TEAD1: variants seen among roughly 807,000 people sequenced by gnomAD.
TEAD1 encodes TEA domain transcription factor 1, also known as transcriptional enhancer factor TEF-1.
A neutral mutation model predicts 54.9 loss-of-function variants in TEAD1; 9 were observed. The ratio of observed to expected loss-of-function variants is 0.16; its 90% confidence interval spans 0.10 to 0.29. The LOEUF (loss-of-function observed/expected upper bound fraction) is 0.29. Among genes scored for constraint, TEAD1 ranks in the 10% least tolerant of loss-of-function variants. TEAD1 has a pLI of 1.00. For missense variants in TEAD1, 387 were observed against 535.9 expected (o/e 0.72, Z 2.74); for synonymous variants, 200 against 187.8 (o/e 1.07, Z -0.53).
At chr11:12,853,933 C>A (rs952733820) in intron 3 of TEAD1, among the ~76,000 whole-genome samples, 13 of 152,160 alleles carry the variant, frequency 8.5e-5, no homozygotes, top group Admixed American at 8.5e-4. Flanking sequence ...TGTTCTTTCT[C>A]TGAAAGCTGT....
At chr11:12,765,184 C>A (rs772672302) in intron 3 of TEAD1, among the ~76,000 whole-genome samples, 14 of 152,254 alleles carry the variant, frequency 9.2e-5, no homozygotes, top group Middle Eastern at 6.8e-3. Context: ...CCTAGGGCAG[C>A]AGCAAGGATC....
At chr11:12,881,310 C>G (rs1947960774) in intron 7 of TEAD1, among the ~76,000 whole-genome samples, 1 of 152,130 alleles carries the variant, frequency 6.6e-6, no homozygotes. Context: ...AAGAAGTGGA[C>G]CCCTCTTCCT....
chr11:12,854,503 G>C (rs1374903568), intron 3 of TEAD1, among the ~76,000 whole-genome samples: 3 of 152,162 alleles, frequency 2.0e-5, no homozygotes, highest in African/African-American at 7.2e-5. Flanking sequence ...TCCTGTGAGA[G>C]CACATGTTAG....
intron 2 of TEAD1, among the ~76,000 whole-genome samples, chr11:12,727,876 A>G (rs983325008): frequency 1.3e-5 from 2 of 152,054 alleles, no homozygotes; most frequent in African/African-American, 4.8e-5. Flanking sequence ...TCCAAAGGCC[A>G]ACAAGGAATA....
chr11:12,726,605 A>C (rs529164140), intron 2 of TEAD1, among the ~76,000 whole-genome samples: 1 of 152,350 alleles, frequency 6.6e-6, no homozygotes, highest in African/African-American at 2.4e-5. Flanking sequence ...ACGGTGGCTC[A>C]TGTCTATAAT....
intron 2 of TEAD1, among the ~76,000 whole-genome samples, chr11:12,704,590 A>G (rs1350063172): frequency 6.6e-6 from 1 of 152,206 alleles, no homozygotes; most frequent in Non-Finnish European, 1.5e-5. Context: ...CCTTCCTTTT[A>G]TTCCCTTAGT....
At chr11:12,806,462 A>G (rs944751981) in intron 3 of TEAD1, among the ~76,000 whole-genome samples, 2 of 151,758 alleles carry the variant, frequency 1.3e-5, no homozygotes, top group Non-Finnish European at 3.0e-5. Context: ...TCCTTGGTCG[A>G]TGGTCTAAAA....
chr11:12,887,223 A>T (rs958058995), intron 9 of TEAD1, among the ~76,000 whole-genome samples: 1 of 151,914 alleles, frequency 6.6e-6, no homozygotes, highest in Middle Eastern at 3.4e-3. Context: ...CAGCCTCCCA[A>T]GTAGCTGGGA....
intron 2 of TEAD1, among the ~76,000 whole-genome samples, chr11:12,695,246 C>T (rs746537624): frequency 1.2e-4 from 18 of 152,210 alleles, no homozygotes; most frequent in Non-Finnish European, 2.4e-4. Flanking sequence ...GACTGAGAGT[C>T]ATAATTTCTG....
chr11:12,755,819 T>A (rs1273744297), intron 2 of TEAD1, among the ~76,000 whole-genome samples: 1 of 152,140 alleles, frequency 6.6e-6, no homozygotes, highest in Non-Finnish European at 1.5e-5. Context: ...TGAAACTGGG[T>A]CTGTGGCCTT....
At chr11:12,908,907 T>C (rs1948570779) in intron 10 of TEAD1, among the ~76,000 whole-genome samples, 1 of 144,836 alleles carries the variant, frequency 6.9e-6, no homozygotes, top group Non-Finnish European at 1.5e-5. Flanking sequence ...GAGACAGTGT[T>C]GCTCTGCTGC....
chr11:12,785,422 G>A lies in TEAD1; in HGVS notation c.202+20988G>A, dbSNP rs1482564075. 2.0e-5 allele frequency among the ~76,000 whole-genome samples: 3 copies of A among 152,302 alleles called. No individual in the cohort carries two copies. The East Asian group carries it at 5.8e-4, about 29-fold the overall frequency. On this transcript the variant is annotated intron_variant, in intron 3 of 12. Coordinates refer to ENST00000527636, the MANE Select transcript of TEAD1 (RefSeq NM_021961.6). The stretch of plus-strand genomic sequence containing the variant: ...AGGTCCTGGGTTCCAGGGCACAGAG[G>A]TTGTTCCCAGTTTGGCTGGTGCCTA...
intron 2 of TEAD1, among the ~76,000 whole-genome samples, chr11:12,711,180 A>G (rs1943929306): frequency 6.6e-6 from 1 of 152,144 alleles, no homozygotes. Context: ...GAGTCAGGGT[A>G]GTCACTGGGG....
chr11:12,696,760 A>G (rs116655074), intron 2 of TEAD1, among the ~76,000 whole-genome samples: 1,956 of 152,206 alleles, frequency 0.013, 32 homozygotes, highest in African/African-American at 0.045. Context: ...GGCCCCGTTC[A>G]GCAAAGGGAG....
At chr11:12,818,534 G>T (rs1042478019) in intron 3 of TEAD1, among the ~76,000 whole-genome samples, 2 of 152,200 alleles carry the variant, frequency 1.3e-5, no homozygotes, top group African/African-American at 2.4e-5. Context: ...CTCCTTGGGA[G>T]AAGAAAGGTC....
intron 3 of TEAD1, among the ~76,000 whole-genome samples, chr11:12,765,449 G>T (rs988590811): frequency 1.3e-5 from 2 of 152,182 alleles, no homozygotes; most frequent in Non-Finnish European, 2.9e-5. Flanking sequence ...TTTACCTGAG[G>T]TTGTTAACTT....
In TEAD1 at chr11:12,882,990, T is replaced by C; in HGVS notation, c.575-11T>C. The C allele has an allele frequency of 6.2e-7, 1 of 1,614,136 alleles. No homozygotes were observed. The highest frequency in any genetic ancestry group is 8.5e-7 in the Non-Finnish European group (1 of 1,180,030). On this transcript the variant is annotated splice_polypyrimidine_tract_variant and intron_variant, in intron 8 of 12. Transcript: ENST00000527636. The stretch of plus-strand genomic sequence containing the variant: ...AGTGACCAGCATCAAAGGTGACGAT[T>C]GCTCTTTCAGGGTTTGAGCCTGCAT...
intron 3 of TEAD1, among the ~76,000 whole-genome samples, chr11:12,835,773 T>G (rs1195055984): frequency 6.6e-6 from 1 of 152,218 alleles, no homozygotes; most frequent in Non-Finnish European, 1.5e-5. Context: ...ACTCAGGGAT[T>G]CTGAATGCCT....
intron 3 of TEAD1, among the ~76,000 whole-genome samples, chr11:12,821,866 C>T (rs1446483649): frequency 6.6e-6 from 1 of 151,760 alleles, no homozygotes; most frequent in Non-Finnish European, 1.5e-5. Context: ...ACTTTACCTA[C>T]CTCCTCCGCT....
Sources: gnomAD v4.1 joint callset for allele counts (sites outside exome capture counted in the v4.1 genomes callset) on GRCh38, gnomAD v4.1.1 for gene constraint, MANE v1.5 for transcripts, NCBI Gene and HGNC (gene_info 2026-07-23, HGNC 2026-07-21) for gene names.